ANGPTL3: variants seen among roughly 807,000 people sequenced by gnomAD.
ANGPTL3 encodes the protein angiopoietin like 3.
Under a neutral mutation model 52.7 loss-of-function variants are expected in ANGPTL3, and 51 were observed. The observed-to-expected ratio is 0.97, with a 90% CI of 0.77 to 1.22. The LOEUF is 1.22. Ranked by LOEUF, ANGPTL3 falls within the 50% of genes most tolerant of loss-of-function variation. The pLI is 0.00. For missense variants in ANGPTL3, 506 were observed against 520.7 expected (o/e 0.97, Z 0.27); for synonymous variants, 185 against 179.8 (o/e 1.03, Z -0.23).
rs755977300 is a variant in ANGPTL3, at chr1:62,604,039, G to A, written c.1002G>A (p.Glu334=). Residue 334 remains glutamate (E), a synonymous_variant, in exon 6 of 7, where the codon GAG becomes GAA. Coordinates refer to ENST00000371129, the MANE Select transcript of ANGPTL3 (RefSeq NM_014495.4). The part of the protein sequence containing the change: ...VKQSNYVLRI[E]LEDWKDNKHY... ...AATCTAATTATGTTTTACGAATTGA[G>A]TTGGAAGACTGGAAAGACAACAAAC... 2 of 1,613,092 alleles carry A rather than the reference G, an allele frequency of 1.2e-6. No homozygotes were observed. Among genetic ancestry groups the A allele is most frequent in the Non-Finnish European group, 1.7e-6 (2 of 1,179,314 alleles).
chr1:62,604,149 A>G lies in ANGPTL3; in HGVS notation c.1112A>G (p.Asn371Ser), dbSNP rs151187179. ...GTTGCGATTACTGGCAATGTCCCCAATGCAATCCCGGAAAACAAAGATTTG... is the reference window on the plus strand; with the variant it reads ...GTTGCGATTACTGGCAATGTCCCCAGTGCAATCCCGGAAAACAAAGATTTG... ...HLVAITGNVP[N>S]AIPENKDLVF... The change falls in exon 6 of 7, where the codon AAT (asparagine) becomes AGT (serine). Residue 371 changes from asparagine (N) to serine (S), a missense_variant. Asn to Ser is a conservative substitution (Grantham distance 46). Coordinates refer to ENST00000371129, the MANE Select transcript of ANGPTL3 (RefSeq NM_014495.4). The G allele has an allele frequency of 3.4e-4, 541 of 1,613,460 alleles. 5 individuals are homozygous for G. The South Asian group carries it at 4.2e-3, about 13-fold the overall frequency.
In ANGPTL3 at chr1:62,603,597, T is replaced by A. The variant is rs537040389; in HGVS notation, c.932-372T>A. 1.4e-4 allele frequency among the ~76,000 whole-genome samples: 21 copies of A among 151,896 alleles called. No homozygotes were observed. In the East Asian group the frequency reaches 3.5e-3, roughly 25 times the overall value. On this transcript the variant is annotated intron_variant, in intron 5 of 6. Transcript: ENST00000371129. ...ATACTTAACACATCTCTTGACTGTA[T>A]ATGGATGTTAATAAATAGCTGACAG...
intron 2 of ANGPTL3, 131 bp from the exon 3 acceptor site, chr1:62,600,951 A>G: frequency 1.5e-6 from 1 of 654,198 alleles, no homozygotes; most frequent in Non-Finnish European, 2.8e-6. Flanking sequence ...AACACTGTTT[A>G]TCTAAATATC....
Position 62,604,393 on chromosome 1 carries a change from T to G in ANGPTL3, c.1198+158T>G, listed in dbSNP as rs543511072. On this transcript the variant is annotated intron_variant, in intron 6 of 6. Transcript: ENST00000371129. Reference sequence around the variant, plus strand: ...TCTTAACTATAATGAAAGTGTTCATTCTAGTTCAATCAGGTATTTTACCTC... The same window carrying G: ...TCTTAACTATAATGAAAGTGTTCATGCTAGTTCAATCAGGTATTTTACCTC... 3 of 972,126 alleles carry G rather than the reference T, an allele frequency of 3.1e-6. 1 individual carries two copies. Among genetic ancestry groups the G allele is most frequent in the Non-Finnish European group, 4.5e-6 (3 of 663,474 alleles). 60.2% of individuals were successfully genotyped at this position (972,126 alleles called of 1,614,324 possible). A position where few individuals can be genotyped will look rare whatever the true frequency, so the allele number is the denominator to read the frequency against.
rs761117976 is a variant in ANGPTL3, at chr1:62,604,003, C to T, written c.966C>T (p.Ser322=). The change falls in exon 6 of 7, where the codon TCC becomes TCT. Residue 322 remains serine, a synonymous_variant. Coordinates refer to ENST00000371129, the MANE Select transcript of ANGPTL3 (RefSeq NM_014495.4). ...GGTTGGGCCTAGAGAAGATATACTC[C>T]ATAGTGAAGCAATCTAATTATGTTT... ...EFWLGLEKIY[S]IVKQSNYVLR... The T allele has an allele frequency of 6.2e-7, 1 of 1,612,908 alleles. No homozygotes were observed. Among genetic ancestry groups the T allele is most frequent in the Non-Finnish European group, 8.5e-7 (1 of 1,179,206 alleles).
Position 62,598,036 on chromosome 1 carries a change from A to T in ANGPTL3, c.470A>T (p.Glu157Val), listed in dbSNP as rs770659249. ...ATTCAAAATCAACCTGAAACTCCAGAACACCCAGAAGTAACTTCACTTAAA... is the reference window on the plus strand; with the variant it reads ...ATTCAAAATCAACCTGAAACTCCAGTACACCCAGAAGTAACTTCACTTAAA... ...NLIQNQPETP[E>V]HPEVTSLKTF... Residue 157 changes from glutamate (E) to valine (V), a missense_variant, in exon 1 of 7, where the codon GAA (glutamate) becomes GTA (valine). By Grantham distance (121) the Glu-to-Val change is moderately radical (BLOSUM62 -2). Transcript: ENST00000371129. The T allele has an allele frequency of 1.3e-6, 2 of 1,585,614 alleles. No homozygotes were observed. Among genetic ancestry groups the T allele is most frequent in the Admixed American group, 3.8e-5 (2 of 51,994 alleles).
At chr1:62,599,313 T>C (rs968978001) in intron 2 of ANGPTL3, among the ~76,000 whole-genome samples, 8 of 151,998 alleles carry the variant, frequency 5.3e-5, no homozygotes, top group African/African-American at 1.7e-4. Context: ...CTCAAAGCCT[T>C]TGCCCTTGTT....
chr1:62,598,572 A>C, intron 1 of ANGPTL3, 124 bp from the exon 2 acceptor site: 1 of 664,350 alleles, frequency 1.5e-6, no homozygotes, highest in East Asian at 2.8e-5. Context: ...AGGGGAAGGA[A>C]TTGCCAATAT....
At chr1:62,599,341 C>T (rs192528948) in intron 2 of ANGPTL3, among the ~76,000 whole-genome samples, 410 of 152,082 alleles carry the variant, frequency 2.7e-3, no homozygotes, top group Non-Finnish European at 4.4e-3. Context: ...CTAACTGGAA[C>T]GCTCTTCTGC....
intron 2 of ANGPTL3, among the ~76,000 whole-genome samples, chr1:62,599,864 T>A (rs1246350444): frequency 2.0e-5 from 3 of 150,956 alleles, no homozygotes; most frequent in African/African-American, 7.3e-5. Context: ...TATGTCAGAA[T>A]CCATGTATTC....
chr1:62,603,669 C>T (rs1021567825), intron 5 of ANGPTL3, among the ~76,000 whole-genome samples: 1 of 151,600 alleles, frequency 6.6e-6, no homozygotes. Flanking sequence ...CTACCAATGA[C>T]GAGACTTTAA....
rs1042241600 is a variant in ANGPTL3 at position 62,605,213 on chromosome 1, TA to T, written c.*399del. 8 of 189,468 alleles carry T rather than the reference TA, an allele frequency of 4.2e-5. No individual in the cohort carries two copies. Among genetic ancestry groups the T allele is most frequent in the Admixed American group, 3.8e-4 (7 of 18,356 alleles). 11.7% of individuals were successfully genotyped at this position (189,468 alleles called of 1,614,324 possible). ...AAAACTAGTACTCTTGTTAAAACTC[TA>T]AACTTGACTAAATACAGAGGACTGG... On this transcript the variant is annotated 3_prime_UTR_variant, in exon 7 of 7. Transcript: ENST00000371129.
chr1:62,603,564 C>A (rs1436087360), intron 5 of ANGPTL3, among the ~76,000 whole-genome samples: 1 of 151,720 alleles, frequency 6.6e-6, no homozygotes, highest in African/African-American at 2.4e-5. Flanking sequence ...TTACTCAAGT[C>A]TCTAGGAATA....
chr1:62,603,740 GA>G (rs1650504979), intron 5 of ANGPTL3, among the ~76,000 whole-genome samples: 2 of 151,936 alleles, frequency 1.3e-5, no homozygotes, highest in Non-Finnish European at 3.0e-5. Context: ...ATGCATTATA[GA>G]AAGGATAATC....
At chr1:62,598,850 C>A in intron 2 of ANGPTL3, 44 bp downstream of exon 2, 2 of 1,172,464 alleles carry the variant, frequency 1.7e-6, no homozygotes, top group Non-Finnish European at 2.6e-6. Context: ...TCACACAGGT[C>A]TGTAAAAACA....
At position 62,604,868 on chromosome 1, in the gene ANGPTL3, T is replaced by TC. The variant is rs776851296; in HGVS notation, c.*51_*52insC. The TC allele has an allele frequency of 2.9e-6, 2 of 680,032 alleles. No homozygotes were observed. The highest frequency in any genetic ancestry group is 4.1e-6 in the Non-Finnish European group (2 of 489,644). 42.1% of individuals were successfully genotyped at this position (680,032 alleles called of 1,614,324 possible). On this transcript the variant is annotated 3_prime_UTR_variant, in exon 7 of 7. Transcript: ENST00000371129. ...ATTTAAACATTAACCTCATTCCAAG[T>TC]TAATGTGGTCTAATAATCTGGTATT...
chr1:62,601,979 A>G (rs544069771), intron 4 of ANGPTL3, 97 bp downstream of exon 4: 1 of 702,668 alleles, frequency 1.4e-6, no homozygotes, highest in African/African-American at 1.8e-5. Context: ...ATACATATAT[A>G]TATGAAATAT....
chr1:62,600,151 G>C (rs972737091), intron 2 of ANGPTL3, among the ~76,000 whole-genome samples: 14 of 151,584 alleles, frequency 9.2e-5, no homozygotes, highest in Admixed American at 4.0e-4. Context: ...ATGATTAAAT[G>C]AACCTGCTCC....
In ANGPTL3 at chr1:62,604,596, G is replaced by A; in HGVS notation, c.1199-37G>A. The A allele has an allele frequency of 4.4e-6, 7 of 1,592,190 alleles. No homozygotes were observed. The East Asian group carries it at 6.7e-5, about 15-fold the overall frequency. On this transcript the variant is annotated intron_variant, in intron 6 of 6. Coordinates refer to ENST00000371129, the MANE Select transcript of ANGPTL3 (RefSeq NM_014495.4). ...ATACAGTAACAGTAACTACATACGAGTCTGTACCCATTAAATTGCATATCT... is the reference window on the plus strand; with the variant it reads ...ATACAGTAACAGTAACTACATACGAATCTGTACCCATTAAATTGCATATCT...
Sources: allele counts gnomAD v4.1 joint callset (sites outside exome capture counted in the v4.1 genomes callset), GRCh38; gene constraint gnomAD v4.1.1; transcripts MANE v1.5; gene names NCBI Gene and HGNC (gene_info 2026-07-23, HGNC 2026-07-21).